The following PRCP variants were observed in gnomAD, a reference collection of about 807,000 sequenced individuals.
PRCP encodes prolylcarboxypeptidase.
Under a neutral mutation model 54.2 loss-of-function variants are expected in PRCP, and 46 were observed. The observed-to-expected ratio is 0.85, with a 90% CI of 0.67 to 1.09. The LOEUF (loss-of-function observed/expected upper bound fraction) is 1.09. Ranked by LOEUF, PRCP falls within the 50% of genes least tolerant of loss-of-function variation. PRCP has a pLI of 0.00. For missense variants in PRCP, 613 were observed against 596.8 expected (o/e 1.03, Z -0.28); for synonymous variants, 240 against 212.2 (o/e 1.13, Z -1.14).
chr11:82,830,200 C>T (rs912326728), intron 8 of PRCP: 1 of 151,850 alleles, frequency 6.6e-6, no homozygotes, highest in African/African-American at 2.4e-5. Flanking sequence ...ATAGTTATTA[C>T]CATACTCTGT....
At chr11:82,838,221 C>G (rs1448141825) in intron 8 of PRCP, among the ~76,000 whole-genome samples, 166 bp downstream of exon 8, 1 of 152,000 alleles carries the variant, frequency 6.6e-6, no homozygotes, top group African/African-American at 2.4e-5. Context: ...GCAAAAAATC[C>G]TATCTCTTCT....
chr11:82,879,099 G>A (rs1859682310), intron 1 of PRCP, among the ~76,000 whole-genome samples: 1 of 152,204 alleles, frequency 6.6e-6, no homozygotes, highest in South Asian at 2.1e-4. Context: ...GGTTTGGGAA[G>A]TTCTCCTGGA....
At chr11:82,861,035 T>G (rs1454804875) in intron 1 of PRCP, among the ~76,000 whole-genome samples, 1 of 152,118 alleles carries the variant, frequency 6.6e-6, no homozygotes. Context: ...AAAAGAATAA[T>G]GACTGTAGTT....
At chr11:82,884,826 A>G in intron 1 of PRCP, 2 of 1,613,212 alleles carry the variant, frequency 1.2e-6, no homozygotes, top group South Asian at 2.2e-5. Flanking sequence ...CACCTACCAG[A>G]GGAGTCTTGT....
At chr11:82,853,361 G>T in intron 2 of PRCP, 83 bp from the exon 3 acceptor site, 1 of 1,112,052 alleles carries the variant, frequency 9.0e-7, no homozygotes, top group Non-Finnish European at 1.3e-6. Flanking sequence ...ATATGGAATA[G>T]ATGTTAAGCC....
At chr11:82,830,647 A>AAAAAAAAC (rs1170581216) in intron 8 of PRCP, 14 of 150,728 alleles carry the variant, frequency 9.3e-5, no homozygotes, top group African/African-American at 3.4e-4. Context: ...AAAAAAAAAA[A>AAAAAAAAC]AAAAAAAACT....
intron 7 of PRCP, 66 bp downstream of exon 7, chr11:82,839,195 T>C: frequency 6.5e-7 from 1 of 1,527,810 alleles, no homozygotes; most frequent in Non-Finnish European, 8.8e-7. Context: ...GTACCCTGAT[T>C]TTTTTTTACA....
chr11:82,857,745 T>A (rs1859124792), intron 2 of PRCP, among the ~76,000 whole-genome samples: 1 of 152,222 alleles, frequency 6.6e-6, no homozygotes, highest in Admixed American at 6.5e-5. Context: ...TATATGCATG[T>A]AAGGATAGAG....
chr11:82,867,980 G>C (rs1859381890), intron 1 of PRCP, among the ~76,000 whole-genome samples: 1 of 152,116 alleles, frequency 6.6e-6, no homozygotes, highest in South Asian at 2.1e-4. Context: ...AGACACAGAG[G>C]CCAATTATTT....
chr11:82,825,539 A>T (rs935052757), intron 8 of PRCP: 1 of 172,086 alleles, frequency 5.8e-6, no homozygotes, highest in Non-Finnish European at 1.2e-5. Flanking sequence ...GGAGGCCAAG[A>T]TGGTGAATCG....
At chr11:82,867,847 G>A (rs919874927) in intron 1 of PRCP, among the ~76,000 whole-genome samples, 2 of 152,030 alleles carry the variant, frequency 1.3e-5, no homozygotes, top group Non-Finnish European at 2.9e-5. Context: ...CTAAGCTCGA[G>A]AGTAGCTGTA....
intron 1 of PRCP, among the ~76,000 whole-genome samples, chr11:82,884,596 C>T (rs560717856): frequency 2.5e-4 from 38 of 152,280 alleles, no homozygotes; most frequent in Non-Finnish European, 3.5e-4. Flanking sequence ...AACATATAAA[C>T]ACACATACTT....
chr11:82,871,493 C>G (rs1859483481), intron 1 of PRCP, among the ~76,000 whole-genome samples: 1 of 152,062 alleles, frequency 6.6e-6, no homozygotes, highest in African/African-American at 2.4e-5. Flanking sequence ...CTGAATGTTT[C>G]TTCTATACAT....
intron 1 of PRCP, among the ~76,000 whole-genome samples, chr11:82,864,490 A>T (rs1473322390): frequency 6.6e-6 from 1 of 152,226 alleles, no homozygotes; most frequent in African/African-American, 2.4e-5. Flanking sequence ...CTTAGAAACC[A>T]TTCCGTCTGT....
At chr11:82,848,465 A>T (rs1198860528) in intron 6 of PRCP, among the ~76,000 whole-genome samples, 1 of 152,238 alleles carries the variant, frequency 6.6e-6, no homozygotes, top group African/African-American at 2.4e-5. Flanking sequence ...GGGAAAGAAA[A>T]GCACCTTGCC....
intron 6 of PRCP, among the ~76,000 whole-genome samples, chr11:82,847,082 G>T (rs958555791): frequency 1.3e-5 from 2 of 151,958 alleles, no homozygotes; most frequent in African/African-American, 4.8e-5. Context: ...TATATGGCTC[G>T]CAAAGCCTAA....
chr11:82,846,146 C>G (rs1176479531), intron 6 of PRCP: 5 of 152,012 alleles, frequency 3.3e-5, no homozygotes, highest in African/African-American at 7.3e-5. Context: ...GAAAAGGACG[C>G]CTGTTTGTCA....
intron 8 of PRCP, among the ~76,000 whole-genome samples, chr11:82,833,188 A>G (rs1221464189): frequency 6.6e-6 from 1 of 152,246 alleles, no homozygotes; most frequent in Non-Finnish European, 1.5e-5. Context: ...GATTAAGATG[A>G]AGTCCCTGCC....
chr11:82,865,150 A>G (rs902587095), intron 1 of PRCP, among the ~76,000 whole-genome samples: 2 of 152,198 alleles, frequency 1.3e-5, no homozygotes, highest in Admixed American at 6.5e-5. Flanking sequence ...AGCTTGCCCA[A>G]GGTAATGTAA....
Sources: allele counts gnomAD v4.1 joint callset (sites outside exome capture counted in the v4.1 genomes callset), GRCh38; gene constraint gnomAD v4.1.1; transcripts MANE v1.5; gene names NCBI Gene and HGNC (gene_info 2026-07-23, HGNC 2026-07-21).